TMX1: variants seen among roughly 807,000 people sequenced by gnomAD.
TMX1 encodes the protein thioredoxin-related transmembrane protein 1.
Under a neutral mutation model 36.6 loss-of-function variants are expected in TMX1, and 25 were observed. The ratio of observed to expected loss-of-function variants is 0.68; its 90% CI spans 0.50 to 0.95. The LOEUF (loss-of-function observed/expected upper bound fraction) is 0.95. Ranked by LOEUF, TMX1 falls within the 40% of genes least tolerant of loss-of-function variation. The pLI is 0.00. For synonymous variants in TMX1, 133 were observed against 118.0 expected, an observed-to-expected ratio of 1.13 and a Z score of -0.82; for missense variants, 347 against 339.6, an observed-to-expected ratio of 1.02 and a Z score of -0.17.
rs749905622 is a variant in TMX1, at chr14:51,243,942, T to C, written c.239T>C (p.Ile80Thr). 6.2e-7 allele frequency: 1 copy of C among 1,612,052 alleles called. No individual in the cohort carries two copies. The highest frequency in any genetic ancestry group is 8.5e-7 in the Non-Finnish European group (1 of 1,179,052). The change falls in exon 2 of 8, where the codon ATT becomes ACT. Residue 80 changes from isoleucine to threonine, a missense_variant. Ile to Thr is a moderately conservative substitution (Grantham distance 89). Transcript: ENST00000457354. ...TGGGGAGAAGATCTTGAGGTTAATA[T>C]TGCGAAAGTAGATGTCACAGAGCAG... ...AEWGEDLEVN[I>T]AKVDVTEQPG...
At chr14:51,243,093 T>TAAAAAAAAAAAAAAAAAA in intron 1 of TMX1, among the ~76,000 whole-genome samples, 1 of 138,190 alleles carries the variant, frequency 7.2e-6, no homozygotes, top group Non-Finnish European at 1.6e-5. Flanking sequence ...CTGGTTCTGT[T>TAAAAAAAAAAAAAAAAAA]AAAAAAAAAA....
At chr14:51,249,126 G>A (rs1019839556) in intron 4 of TMX1, among the ~76,000 whole-genome samples, 200 bp from the exon 5 acceptor site, 1 of 152,160 alleles carries the variant, frequency 6.6e-6, no homozygotes, top group East Asian at 1.9e-4. Flanking sequence ...TTATTTATGA[G>A]GCTGTCACAT....
In TMX1 at chr14:51,242,241, A is replaced by G. The variant is rs565924049; in HGVS notation, c.153-1615A>G. On this transcript the variant is annotated intron_variant, in intron 1 of 7. Transcript: ENST00000457354. ...TCATTCAGGCACCATTGAAAGCTTC[A>G]GGGGAGAGGAACTGTGACACTTTTT... is the stretch of plus-strand genomic sequence containing the variant. Among the ~76,000 whole-genome samples the G allele has an allele frequency of 1.2e-4, 18 of 152,318 alleles. No individual in the cohort carries two copies. In the East Asian group the frequency reaches 3.1e-3, roughly 26 times the overall value.
rs2065833226 is a variant in TMX1 at position 51,255,240 on chromosome 14, A to T, written c.*721A>T. ...CAAATTGGATGATAATTTCTTGGAA[A>T]CATTTTTTATGTTTTAGTAAACAGT... is the stretch of plus-strand genomic sequence containing the variant. On this transcript the variant is annotated 3_prime_UTR_variant, in exon 8 of 8. Coordinates refer to ENST00000457354, the MANE Select transcript of TMX1 (RefSeq NM_030755.5). 1 of 152,028 alleles carries T rather than the reference A, an allele frequency of 6.6e-6. No individual in the cohort carries two copies. The highest frequency in any genetic ancestry group is 2.4e-5 in the African/African-American group (1 of 41,438). The allele number at this position is 152,028 out of a possible 1,614,324, so 9.4% of individuals were successfully genotyped here.
chr14:51,240,365 C>T lies in TMX1; in HGVS notation c.73C>T (p.His25Tyr), dbSNP rs1307489454. 3.7e-6 allele frequency: 6 copies of T among 1,614,052 alleles called. No individual in the cohort carries two copies. Among genetic ancestry groups the T allele is most frequent in the South Asian group, 3.3e-5 (3 of 91,074 alleles). The change falls in exon 1 of 8, where the codon CAC (histidine) becomes TAC (tyrosine). Residue 25 changes from histidine to tyrosine, a missense_variant. His to Tyr is a moderately conservative substitution (Grantham distance 83). Coordinates refer to ENST00000457354, the MANE Select transcript of TMX1 (RefSeq NM_030755.5). ...GTTGCTTTGGGGTGCTCCCTGGACGCACGGGCGGCGGAGCAACGTTCGCGT... is the reference window on the plus strand; with the variant it reads ...GTTGCTTTGGGGTGCTCCCTGGACGTACGGGCGGCGGAGCAACGTTCGCGT... Reference protein sequence around the residue: ...VLLLWGAPWTHGRRSNVRVIT... With the variant: ...VLLLWGAPWTYGRRSNVRVIT...
chr14:51,246,984 A>G, intron 3 of TMX1, 108 bp from the exon 4 acceptor site: 1 of 982,040 alleles, frequency 1.0e-6, no homozygotes, highest in Non-Finnish European at 1.4e-6. Flanking sequence ...GTACATTGCT[A>G]ATGCTTTTGA....
At chr14:51,245,528 G>A in intron 3 of TMX1, 170 bp downstream of exon 3, 1 of 1,472,392 alleles carries the variant, frequency 6.8e-7, no homozygotes, top group Non-Finnish European at 9.1e-7. Flanking sequence ...CCTTTAGGTA[G>A]TTGAGTGATG....
At chr14:51,254,033 TA>T (rs1350005094) in intron 7 of TMX1, 3 of 184,438 alleles carry the variant, frequency 1.6e-5, no homozygotes, top group Non-Finnish European at 3.3e-5. Context: ...CAGTTTTTTT[TA>T]ATGCTGTATA....
At chr14:51,250,048 C>T (rs1003819785) in intron 7 of TMX1, among the ~76,000 whole-genome samples, 3 of 152,062 alleles carry the variant, frequency 2.0e-5, no homozygotes, top group Non-Finnish European at 2.9e-5. Flanking sequence ...TATTTGGTGT[C>T]GTTTTATAAG....
rs1041113126 is a variant in TMX1 at position 51,254,707 on chromosome 14, C to T, written c.*188C>T. The T allele has an allele frequency of 1.8e-5, 9 of 496,474 alleles. No individual in the cohort carries two copies. The African/African-American group carries it at 1.8e-4, about 10-fold the overall frequency. 30.8% of individuals were successfully genotyped at this position (496,474 alleles called of 1,614,324 possible). On this transcript the variant is annotated 3_prime_UTR_variant, in exon 8 of 8. Transcript: ENST00000457354. ...ATACAAGTTTGAAATATGATTTAAG[C>T]ACAGTATGATGGTTTAAATAGTTCT...
intron 4 of TMX1, 34 bp downstream of exon 4, chr14:51,247,254 A>G (rs748034007): frequency 6.3e-7 from 1 of 1,591,080 alleles, no homozygotes; most frequent in Non-Finnish European, 8.5e-7. Context: ...TACCCATTTC[A>G]TAATTAATTG....
chr14:51,257,008 C>T lies in TMX1; in HGVS notation c.*2489C>T, dbSNP rs377062341. The T allele has an allele frequency of 8.1e-4, 121 of 149,594 alleles. No homozygotes were observed. Among genetic ancestry groups the T allele is most frequent in the African/African-American group, 2.7e-3 (111 of 40,600 alleles). The allele number at this position is 149,594 out of a possible 1,614,324, so 9.3% of individuals were successfully genotyped here. On this transcript the variant is annotated 3_prime_UTR_variant, in exon 8 of 8. Coordinates refer to ENST00000457354, the MANE Select transcript of TMX1 (RefSeq NM_030755.5). ...CACTCTTGTTGCCCAGGCTGGAGTG[C>T]AATGGCATGATCTTGGCTCACTGCA...
rs1437069647 is a variant in TMX1, at chr14:51,257,337, G to GTGA, written c.*2821_*2823dup. ...AAAAGGCATAGTTCTGGGCTTAATT[G>GTGA]TGATGTAATTAAAATTATTGAGTGA... On this transcript the variant is annotated 3_prime_UTR_variant, in exon 8 of 8. Coordinates refer to ENST00000457354, the MANE Select transcript of TMX1 (RefSeq NM_030755.5). 1 of 152,106 alleles carries GTGA rather than the reference G, an allele frequency of 6.6e-6. No homozygotes were observed. The allele number at this position is 152,106 out of a possible 1,614,324, so 9.4% of individuals were successfully genotyped here.
At chr14:51,241,663 A>G (rs2065762157) in intron 1 of TMX1, among the ~76,000 whole-genome samples, 1 of 152,178 alleles carries the variant, frequency 6.6e-6, no homozygotes, top group South Asian at 2.1e-4. Context: ...ATCCTGGGCA[A>G]CTAGCAAAAT....
At chr14:51,242,455 A>G (rs150042162) in intron 1 of TMX1, among the ~76,000 whole-genome samples, 147 of 152,342 alleles carry the variant, frequency 9.6e-4, no homozygotes, top group Middle Eastern at 3.4e-3. Context: ...GGAGAACAAG[A>G]CTAACAAAAC....
chr14:51,242,084 G>C (rs1246077654), intron 1 of TMX1, among the ~76,000 whole-genome samples: 2 of 152,054 alleles, frequency 1.3e-5, no homozygotes, highest in Non-Finnish European at 2.9e-5. Flanking sequence ...AGCCGAGGTC[G>C]CACCACTGCA....
Position 51,254,586 on chromosome 14 carries a change from T to G in TMX1, c.*67T>G. ...ACAGAAGATTGATCATTTTGTTTGG[T>G]TTGAAGTGAACTGTGACTTTTTTGA... On this transcript the variant is annotated 3_prime_UTR_variant, in exon 8 of 8. Transcript: ENST00000457354. 1.4e-6 allele frequency: 2 copies of G among 1,446,862 alleles called. No homozygotes were observed. The highest frequency in any genetic ancestry group is 2.9e-5 in the African/African-American group (2 of 68,594). 89.6% of individuals were successfully genotyped at this position (1,446,862 alleles called of 1,614,324 possible). A position where few individuals can be genotyped will look rare whatever the true frequency, so the allele number is the denominator to read the frequency against.
intron 7 of TMX1, among the ~76,000 whole-genome samples, chr14:51,253,429 A>G (rs1033312851): frequency 1.3e-5 from 2 of 152,232 alleles, no homozygotes; most frequent in Non-Finnish European, 2.9e-5. Context: ...CAGGCAGACT[A>G]AACAACAGAT....
intron 1 of TMX1, 53 bp downstream of exon 1, chr14:51,240,497 C>T: frequency 6.3e-7 from 1 of 1,579,766 alleles, no homozygotes; most frequent in Non-Finnish European, 8.6e-7. Context: ...CACGACTTCA[C>T]CCCGCACGTT....
Sources: gnomAD v4.1 joint callset for allele counts (sites outside exome capture counted in the v4.1 genomes callset) on GRCh38, gnomAD v4.1.1 for gene constraint, MANE v1.5 for transcripts, NCBI Gene and HGNC (gene_info 2026-07-23, HGNC 2026-07-21) for gene names.